Variants in SLC16A4 observed in about 807,000 individuals in gnomAD.
SLC16A4 encodes probable monocarboxylate transporter 5.
Under a neutral mutation model 47.9 loss-of-function variants are expected in SLC16A4, and 39 were observed. That is an observed-to-expected ratio of 0.81 (90% CI 0.63 to 1.06). The LOEUF (loss-of-function observed/expected upper bound fraction) is 1.06, where lower values mean the gene tolerates loss of function less well. SLC16A4 is among the 50% of genes least tolerant of loss of function. The pLI, the probability that SLC16A4 is intolerant of heterozygous loss-of-function variation, is 0.00. For missense variants in SLC16A4, 524 were observed against 573.8 expected, an observed-to-expected ratio of 0.91 and a Z score of 0.89; for synonymous variants, 189 against 199.9, an observed-to-expected ratio of 0.95 and a Z score of 0.46.
chr1:110,373,369 ACTGTGTTTGAGCT>A (rs1365879511), intron 8 of SLC16A4, among the ~76,000 whole-genome samples: 2 of 152,140 alleles, frequency 1.3e-5, no homozygotes, highest in Non-Finnish European at 2.9e-5. Flanking sequence ...GCATCAGCAA[ACTGTGTTTGAGCT>A]CTGTTTTCTG....
intron 1 of SLC16A4, among the ~76,000 whole-genome samples, chr1:110,390,194 G>C (rs1446730544): frequency 6.6e-6 from 1 of 152,086 alleles, no homozygotes; most frequent in African/African-American, 2.4e-5. Context: ...CAGTGACTGT[G>C]GGGTGGCCAC....
At chr1:110,364,029 A>G (rs1488307727) in intron 8 of SLC16A4, 136 bp from the exon 9 acceptor site, 28 of 772,220 alleles carry the variant, frequency 3.6e-5, no homozygotes, top group Middle Eastern at 2.4e-4. Context: ...TAGCTGCCCT[A>G]TTTTTCACTG....
intron 2 of SLC16A4, among the ~76,000 whole-genome samples, chr1:110,388,486 C>T (rs549922472): frequency 1.7e-4 from 26 of 152,104 alleles, no homozygotes; most frequent in Admixed American, 6.5e-4. Context: ...CACCCCTTAT[C>T]GGTAGAAGGG....
At position 110,377,096 on chromosome 1, in the gene SLC16A4, A is replaced by G; in HGVS notation, c.1096T>C (p.Tyr366His). Residue 366 changes from tyrosine (Y) to histidine (H), a missense_variant, in exon 7 of 9, where the codon TAT becomes CAT. Physicochemically the swap from Tyr to His is moderately conservative, Grantham distance 83. Transcript: ENST00000369779. ...ATGAGGTAAGACTTGTGGTAATGAT[A>G]CTTCTTAATCCAGTTTTGATCAGCA... ...WVADQNWIKKYHYHKSYLILC... is the reference protein window; with the variant it reads ...WVADQNWIKKHHYHKSYLILC... The G allele has an allele frequency of 6.2e-7, 1 of 1,614,124 alleles. No individual in the cohort carries two copies. Among genetic ancestry groups the G allele is most frequent in the Non-Finnish European group, 8.5e-7 (1 of 1,180,006 alleles).
Position 110,389,266 on chromosome 1 carries a change from C to A in SLC16A4, c.58G>T (p.Gly20Ter), listed in dbSNP as rs775767173. The change falls in exon 2 of 9, where the codon GGA becomes TGA. Residue 20 changes from glycine (G) to a stop codon, truncating the protein, a stop_gained. Coordinates refer to ENST00000369779, the MANE Select transcript of SLC16A4 (RefSeq NM_004696.3). LOFTEE classifies it high-confidence loss of function. Reference protein sequence around the residue: ...PYTKTLDGGWGWMIVIHFFLV... With the variant: ...PYTKTLDGGW ...AAAAAATGAATCACAATCATCCATC[C>A]CCATCCTCCATCCAGGGTTTTAGTG... The A allele has an allele frequency of 1.2e-6, 2 of 1,613,954 alleles. No homozygotes were observed. The highest frequency in any genetic ancestry group is 2.2e-5 in the South Asian group (2 of 91,078).
At chr1:110,373,118 T>C (rs1478091116) in intron 8 of SLC16A4, 5 of 152,240 alleles carry the variant, frequency 3.3e-5, no homozygotes, top group Middle Eastern at 3.2e-3. Flanking sequence ...GGTAATGGTC[T>C]TCAGAAATTT....
chr1:110,368,332 C>A (rs1435545698), intron 8 of SLC16A4, among the ~76,000 whole-genome samples: 1 of 152,180 alleles, frequency 6.6e-6, no homozygotes, highest in Non-Finnish European at 1.5e-5. Flanking sequence ...TGAATGTTCA[C>A]TCTATGCCTG....
chr1:110,378,272 G>A (rs1471284852), intron 6 of SLC16A4, among the ~76,000 whole-genome samples: 2 of 152,138 alleles, frequency 1.3e-5, no homozygotes, highest in African/African-American at 4.8e-5. Context: ...AAACATTATT[G>A]AATGCTTACT....
chr1:110,379,199 GTGTGTTTCTGTTGCA>G lies in SLC16A4; in HGVS notation c.669_683del (p.Ala224_His228del). 6.2e-7 allele frequency: 1 copy of G among 1,614,190 alleles called. No individual in the cohort carries two copies. Among genetic ancestry groups the G allele is most frequent in the Non-Finnish European group, 8.5e-7 (1 of 1,180,046 alleles). On this transcript the variant is annotated inframe_deletion, in exon 6 of 9. Coordinates refer to ENST00000369779, the MANE Select transcript of SLC16A4 (RefSeq NM_004696.3). Reference sequence around the variant, plus strand: ...TGGTAGACTCTTCTGTCTCATGGCAGTGTGTTTCTGTTGCATGTGCCTCTGGACCATGTGCAGACA... The same window carrying G: ...TGGTAGACTCTTCTGTCTCATGGCAGTGTGCCTCTGGACCATGTGCAGACA...
At chr1:110,369,855 T>A (rs1227718975) in intron 8 of SLC16A4, among the ~76,000 whole-genome samples, 1 of 152,224 alleles carries the variant, frequency 6.6e-6, no homozygotes, top group Non-Finnish European at 1.5e-5. Context: ...ATATGTGCCA[T>A]GATCGGAAAA....
chr1:110,381,796 C>CTTAAGA lies in SLC16A4; in HGVS notation c.221-7_221-2dup. On this transcript the variant is annotated splice_acceptor_variant, in intron 3 of 8. Coordinates refer to ENST00000369779, the MANE Select transcript of SLC16A4 (RefSeq NM_004696.3). LOFTEE classifies it high-confidence loss of function. Reference sequence around the variant, plus strand: ...TCACAAATAATAGCAACCAGGGGACCTTAAGAGAAGAAAGAAAGGCAATTC... The same window carrying CTTAAGA: ...TCACAAATAATAGCAACCAGGGGACCTTAAGATTAAGAGAAGAAAGAAAGGCAATTC... 6.2e-7 allele frequency: 1 copy of CTTAAGA among 1,609,202 alleles called. No homozygotes were observed. Among genetic ancestry groups the CTTAAGA allele is most frequent in the Non-Finnish European group, 8.5e-7 (1 of 1,178,716 alleles).
At chr1:110,366,317 C>T (rs1661393748) in intron 8 of SLC16A4, among the ~76,000 whole-genome samples, 1 of 152,024 alleles carries the variant, frequency 6.6e-6, no homozygotes, top group Non-Finnish European at 1.5e-5. Context: ...ACCACCACAC[C>T]CGGCTCATTT....
chr1:110,381,390 C>T (rs750880473), intron 4 of SLC16A4, among the ~76,000 whole-genome samples: 7 of 152,160 alleles, frequency 4.6e-5, no homozygotes, highest in Admixed American at 6.5e-5. Flanking sequence ...GGCACAATCT[C>T]GGCTCACAAC....
At chr1:110,383,351 A>G (rs377733043) in intron 2 of SLC16A4, among the ~76,000 whole-genome samples, 5 of 152,254 alleles carry the variant, frequency 3.3e-5, no homozygotes, top group African/African-American at 1.2e-4. Flanking sequence ...AAGAGACTGG[A>G]GTTTATTAGA....
rs1009806138 is a variant in SLC16A4 at position 110,365,788 on chromosome 1, C to T, written c.1337-1895G>A. 2.0e-5 allele frequency among the ~76,000 whole-genome samples: 3 copies of T among 152,012 alleles called. No individual in the cohort carries two copies. The South Asian group carries it at 6.2e-4, about 32-fold the overall frequency. On this transcript the variant is annotated intron_variant, in intron 8 of 8. Coordinates refer to ENST00000369779, the MANE Select transcript of SLC16A4 (RefSeq NM_004696.3). The stretch of plus-strand genomic sequence containing the variant: ...GTATGTATATGTGTATATATAAAAC[C>T]TGTGAATTATAAAATAGTGGTCTCA...
chr1:110,365,383 A>C (rs1442086058), intron 8 of SLC16A4, among the ~76,000 whole-genome samples: 1 of 152,060 alleles, frequency 6.6e-6, no homozygotes, highest in East Asian at 1.9e-4. Context: ...GACCAGAAAA[A>C]ATTGACTTAA....
At chr1:110,389,635 G>C (rs1444793920) in intron 1 of SLC16A4, among the ~76,000 whole-genome samples, 5 of 152,120 alleles carry the variant, frequency 3.3e-5, no homozygotes, top group Admixed American at 3.3e-4. Context: ...CAATAGCAAA[G>C]ACATGGAATC....
intron 1 of SLC16A4, among the ~76,000 whole-genome samples, chr1:110,390,021 G>A (rs1444115341): frequency 6.6e-6 from 1 of 151,990 alleles, no homozygotes. Flanking sequence ...ACCTACACAT[G>A]TACCCCCTGA....
intron 2 of SLC16A4, 63 bp downstream of exon 2, chr1:110,389,174 G>GA: frequency 7.6e-7 from 1 of 1,323,662 alleles, no homozygotes; most frequent in Non-Finnish European, 1.1e-6. Context: ...AGGCAGCTCT[G>GA]AGCCTTTCTC....
Sources: gnomAD v4.1 joint callset for allele counts (sites outside exome capture counted in the v4.1 genomes callset) on GRCh38, gnomAD v4.1.1 for gene constraint, MANE v1.5 for transcripts, NCBI Gene and HGNC (gene_info 2026-07-23, HGNC 2026-07-21) for gene names.